DYNC2LI1: variants seen among roughly 807,000 people sequenced by gnomAD.
The protein encoded by DYNC2LI1 is cytoplasmic dynein 2 light intermediate chain 1.
A neutral mutation model predicts 51.9 loss-of-function variants in DYNC2LI1; 45 were observed. That is an observed-to-expected ratio of 0.87 (90% CI 0.68 to 1.11). The LOEUF (loss-of-function observed/expected upper bound fraction) is 1.11. DYNC2LI1 is among the 50% of genes most tolerant of loss of function. DYNC2LI1 has a pLI of 0.00. For missense variants in DYNC2LI1, 490 were observed against 417.4 expected, an observed-to-expected ratio of 1.17 and a Z score of -1.51; for synonymous variants, 130 against 137.8, an observed-to-expected ratio of 0.94 and a Z score of 0.40.
intron 10 of DYNC2LI1, among the ~76,000 whole-genome samples, chr2:43,803,757 C>T (rs895518399): frequency 1.3e-5 from 2 of 152,156 alleles, no homozygotes; most frequent in South Asian, 4.1e-4. Context: ...CAATGGCTTT[C>T]GCACCAAAGT....
At chr2:43,784,888 ACT>A (rs1673452670) in intron 3 of DYNC2LI1, among the ~76,000 whole-genome samples, 1 of 152,130 alleles carries the variant, frequency 6.6e-6, no homozygotes. Context: ...ACCGAATATT[ACT>A]CTCTATATAA....
chr2:43,820,103 A>G, the DYNC2LI1 span: 4 of 1,613,308 alleles, frequency 2.5e-6, no homozygotes, highest in East Asian at 8.9e-5. Flanking sequence ...CCAGCGTCCT[A>G]GAAAAGCATA....
At chr2:43,815,462 G>A in the DYNC2LI1 span, among the ~76,000 whole-genome samples, 1 of 152,214 alleles carries the variant, frequency 6.6e-6, no homozygotes, top group African/African-American at 2.4e-5. Flanking sequence ...ATAAAAAAAT[G>A]TGTACCACAC....
intron 12 of DYNC2LI1, among the ~76,000 whole-genome samples, chr2:43,807,862 A>G (rs764834320): frequency 3.3e-5 from 5 of 151,590 alleles, no homozygotes; most frequent in African/African-American, 9.7e-5. Flanking sequence ...TAAAACATCA[A>G]TGCATTATTT....
chr2:43,778,109 G>C (rs1159250497), intron 2 of DYNC2LI1, among the ~76,000 whole-genome samples: 1 of 152,020 alleles, frequency 6.6e-6, no homozygotes, highest in Non-Finnish European at 1.5e-5. Flanking sequence ...TTATCGTAGA[G>C]ATCATTTATA....
the DYNC2LI1 span, chr2:43,826,605 T>A: frequency 3.1e-6 from 5 of 1,594,528 alleles, no homozygotes; most frequent in Non-Finnish European, 4.3e-6. Flanking sequence ...AACTGTTCCT[T>A]ATTGAGTTTG....
intron 1 of DYNC2LI1, 136 bp downstream of exon 1, chr2:43,774,282 G>C: frequency 1.7e-6 from 2 of 1,171,044 alleles, no homozygotes; most frequent in South Asian, 1.4e-5. Context: ...CGGGGACCTA[G>C]GAATCAGCCT....
At chr2:43,787,356 G>A in intron 4 of DYNC2LI1, 106 bp downstream of exon 4, 1 of 917,720 alleles carries the variant, frequency 1.1e-6, no homozygotes, top group South Asian at 1.6e-5. Context: ...AACATACCCA[G>A]TTGTACACTT....
chr2:43,827,815 C>T, the DYNC2LI1 span, among the ~76,000 whole-genome samples: 2 of 152,188 alleles, frequency 1.3e-5, no homozygotes, highest in African/African-American at 4.8e-5. Flanking sequence ...AGGAAATGAA[C>T]TGTACAGCAT....
chr2:43,823,964 G>A, the DYNC2LI1 span: 5 of 1,614,064 alleles, frequency 3.1e-6, no homozygotes, highest in Non-Finnish European at 4.2e-6. Context: ...CCCACAAACT[G>A]GTAAAGGAGA....
downstream of DYNC2LI1, among the ~76,000 whole-genome samples, chr2:43,812,133 C>A (rs1572732995): frequency 6.6e-6 from 1 of 152,082 alleles, no homozygotes; most frequent in East Asian, 1.9e-4. Flanking sequence ...TCACTGCAGC[C>A]CCTGCCTCCT....
chr2:43,821,246 T>A, the DYNC2LI1 span, among the ~76,000 whole-genome samples: 1 of 152,222 alleles, frequency 6.6e-6, no homozygotes, highest in Non-Finnish European at 1.5e-5. Context: ...TAAAACATCC[T>A]CTTGCCTTTG....
chr2:43,813,127 T>A, downstream of DYNC2LI1: 1 of 1,251,574 alleles, frequency 8.0e-7, no homozygotes, highest in Non-Finnish European at 1.2e-6. Flanking sequence ...TACCTGCTAA[T>A]GAGATGATCC....
chr2:43,791,111 C>T (rs1211115746), intron 5 of DYNC2LI1, among the ~76,000 whole-genome samples: 1 of 152,166 alleles, frequency 6.6e-6, no homozygotes, highest in African/African-American at 2.4e-5. Context: ...GTACCAGCTA[C>T]ACAGGTGGCT....
downstream of DYNC2LI1, among the ~76,000 whole-genome samples, chr2:43,813,696 G>GTTTTTTTT (rs1558715412): frequency 8.4e-6 from 1 of 119,552 alleles, no homozygotes; most frequent in Admixed American, 8.9e-5. Flanking sequence ...TTTTTTTTGG[G>GTTTTTTTT]GTTTTTTTTT....
At position 43,774,051 on chromosome 2, in the gene DYNC2LI1, T is replaced by C. The variant is rs554908332; in HGVS notation, c.-88T>C. The C allele has an allele frequency of 1.5e-4, 233 of 1,585,688 alleles. 5 individuals carry two copies. In the South Asian group the frequency reaches 2.4e-3, roughly 17 times the overall value. Reference sequence around the variant, plus strand: ...CCCATGGCAACCCAGAAGGCCTCACTCCCAGACTCCTTGCGGAGCTCGCCG... The same window carrying C: ...CCCATGGCAACCCAGAAGGCCTCACCCCCAGACTCCTTGCGGAGCTCGCCG... On this transcript the variant is annotated 5_prime_UTR_variant, in exon 1 of 13. Transcript: ENST00000260605.
At chr2:43,827,848 G>T in the DYNC2LI1 span, 2 of 1,421,794 alleles carry the variant, frequency 1.4e-6, no homozygotes, top group African/African-American at 1.4e-5. Context: ...TGGGTCCTCA[G>T]TTTGAAAAAC....
chr2:43,795,762 A>G, intron 6 of DYNC2LI1, 128 bp from the exon 7 acceptor site: 1 of 704,776 alleles, frequency 1.4e-6, no homozygotes, highest in Non-Finnish European at 2.4e-6. Context: ...AACAAATTCT[A>G]TGTCAAGCAA....
intron 8 of DYNC2LI1, among the ~76,000 whole-genome samples, chr2:43,797,735 G>A (rs568060028): frequency 6.6e-6 from 1 of 151,948 alleles, no homozygotes; most frequent in East Asian, 1.9e-4. Context: ...GGCCAGGCTG[G>A]TCTTGAACTC....
Sources: gnomAD v4.1 joint callset for allele counts (sites outside exome capture counted in the v4.1 genomes callset) on GRCh38, gnomAD v4.1.1 for gene constraint, MANE v1.5 for transcripts, NCBI Gene and HGNC (gene_info 2026-07-23, HGNC 2026-07-21) for gene names.